The following NBAS variants were observed in gnomAD, a reference collection of about 807,000 sequenced individuals.
NBAS encodes the protein NBAS subunit of NRZ tethering complex.
Under a neutral mutation model 302.5 loss-of-function variants are expected in NBAS, and 219 were observed. That is an observed-to-expected ratio of 0.72 (90% CI 0.65 to 0.81). The LOEUF (loss-of-function observed/expected upper bound fraction) is 0.81. Ranked by LOEUF, NBAS falls within the 30% of genes least tolerant of loss-of-function variation. NBAS has a pLI of 0.00. For synonymous variants in NBAS, 1,118 were observed against 1,021.6 expected, an observed-to-expected ratio of 1.09 and a Z score of -1.80; for missense variants, 2,932 against 2,841.6, an observed-to-expected ratio of 1.03 and a Z score of -0.72.
the NBAS span, among the ~76,000 whole-genome samples, chr2:14,831,182 AAC>A: frequency 6.6e-6 from 1 of 152,166 alleles, no homozygotes; most frequent in East Asian, 1.9e-4. Flanking sequence ...ATGAGTCCTA[AAC>A]ACAAACTCTA....
chr2:15,445,250 C>A (rs1412859663), intron 21 of NBAS, among the ~76,000 whole-genome samples: 9 of 147,186 alleles, frequency 6.1e-5, no homozygotes, highest in African/African-American at 2.0e-4. Flanking sequence ...GACTTGGAAC[C>A]AACCCAAATG....
chr2:14,952,364 T>A, the NBAS span, among the ~76,000 whole-genome samples: 3 of 152,366 alleles, frequency 2.0e-5, no homozygotes, highest in Middle Eastern at 6.8e-3. Flanking sequence ...ACAAAGATTA[T>A]TTTTCCCCTT....
At chr2:15,071,413 C>G in the NBAS span, among the ~76,000 whole-genome samples, 1 of 152,116 alleles carries the variant, frequency 6.6e-6, no homozygotes. Flanking sequence ...ATCACGAGGT[C>G]AGGAGTTGGA....
chr2:15,287,255 C>T (rs1375313707), intron 41 of NBAS, 72 bp from the exon 42 acceptor site: 7 of 1,115,134 alleles, frequency 6.3e-6, no homozygotes, highest in Non-Finnish European at 9.6e-6. Flanking sequence ...AACGAAAATG[C>T]TCATTAGGAC....
chr2:15,188,099 A>G (rs1419547570), intron 49 of NBAS, among the ~76,000 whole-genome samples: 1 of 152,212 alleles, frequency 6.6e-6, no homozygotes, highest in East Asian at 1.9e-4. Context: ...TGGTGAACCA[A>G]TGGGCAACGA....
chr2:15,087,223 A>AACACACAC, the NBAS span, among the ~76,000 whole-genome samples: 579 of 143,278 alleles, frequency 4.0e-3, 9 homozygotes, highest in African/African-American at 0.014. Context: ...TTTTTATACA[A>AACACACAC]ACACACACAC....
At chr2:15,423,381 A>G (rs1403880772) in intron 23 of NBAS, among the ~76,000 whole-genome samples, 6 of 152,198 alleles carry the variant, frequency 3.9e-5, no homozygotes, top group South Asian at 2.1e-4. Context: ...TGCTATGAAT[A>G]TTATAAAATA....
the NBAS span, among the ~76,000 whole-genome samples, chr2:14,810,816 A>T: frequency 1.3e-5 from 2 of 152,234 alleles, no homozygotes; most frequent in East Asian, 3.8e-4. Context: ...AATTTAACAA[A>T]GTGGAAAGGT....
rs566125934 is a variant in NBAS, at chr2:15,292,147, G to A, written c.5027+390C>T. ...ATGCTACTACACCTGGCTAATTTTTGTATTTTTAGTAGAGATGGGGTTTTG... is the reference window on the plus strand; with the variant it reads ...ATGCTACTACACCTGGCTAATTTTTATATTTTTAGTAGAGATGGGGTTTTG... On this transcript the variant is annotated intron_variant, in intron 41 of 51. Coordinates refer to ENST00000281513, the MANE Select transcript of NBAS (RefSeq NM_015909.4). Among the ~76,000 whole-genome samples, 31 of 152,142 alleles carry A rather than the reference G, an allele frequency of 2.0e-4. No individual in the cohort carries two copies. The South Asian group carries it at 6.2e-3, about 31-fold the overall frequency.
chr2:15,478,010 C>G (rs1258097970), intron 13 of NBAS, among the ~76,000 whole-genome samples: 1 of 152,218 alleles, frequency 6.6e-6, no homozygotes, highest in Non-Finnish European at 1.5e-5. Context: ...CTCAGTGTAC[C>G]ATCTCAATGC....
At chr2:14,891,453 G>A in the NBAS span, among the ~76,000 whole-genome samples, 1 of 152,040 alleles carries the variant, frequency 6.6e-6, no homozygotes, top group Non-Finnish European at 1.5e-5. Context: ...GTCAATAAGT[G>A]TGTGTGAGGC....
At chr2:15,433,010 GAA>G (rs1415663729) in intron 21 of NBAS, among the ~76,000 whole-genome samples, 11 of 152,172 alleles carry the variant, frequency 7.2e-5, no homozygotes, top group African/African-American at 2.7e-4. Context: ...AGACAAGAGT[GAA>G]AACAACAGCA....
chr2:15,360,265 A>G (rs1673835454), intron 32 of NBAS, among the ~76,000 whole-genome samples: 1 of 151,590 alleles, frequency 6.6e-6, no homozygotes, highest in Admixed American at 6.6e-5. Flanking sequence ...CTGAGGCTAC[A>G]TGAAATTTAG....
chr2:15,008,529 T>C, the NBAS span, among the ~76,000 whole-genome samples: 247 of 152,310 alleles, frequency 1.6e-3, 1 homozygote, highest in Middle Eastern at 3.4e-3. Context: ...TCATGTCCCT[T>C]CCACAAGGCA....
chr2:15,498,208 C>T (rs1490348084), intron 11 of NBAS, among the ~76,000 whole-genome samples: 1 of 152,182 alleles, frequency 6.6e-6, no homozygotes, highest in East Asian at 1.9e-4. Context: ...AATATGGCAG[C>T]AATGTAGTAT....
At chr2:15,246,930 ACAAGGTGC>A (rs1223040113) in intron 44 of NBAS, among the ~76,000 whole-genome samples, 3 of 152,212 alleles carry the variant, frequency 2.0e-5, no homozygotes. Flanking sequence ...CAGGGTAAAC[ACAAGGTGC>A]CATGGAAGCC....
chr2:15,516,743 A>T (rs1312436823), intron 9 of NBAS, among the ~76,000 whole-genome samples: 1 of 144,212 alleles, frequency 6.9e-6, no homozygotes, highest in African/African-American at 2.6e-5. Flanking sequence ...AAAAAAAAAA[A>T]GACTGGGAGA....
At chr2:15,415,862 C>T (rs950293035) in intron 24 of NBAS, 143 bp from the exon 25 acceptor site, 2 of 847,228 alleles carry the variant, frequency 2.4e-6, no homozygotes, top group Admixed American at 2.0e-5. Flanking sequence ...AACACACAGT[C>T]CAGTTCACCA....
At chr2:15,119,064 G>A in the NBAS span, among the ~76,000 whole-genome samples, 1 of 152,096 alleles carries the variant, frequency 6.6e-6, no homozygotes, top group Non-Finnish European at 1.5e-5. Flanking sequence ...CAGACAAGGG[G>A]AGGAAGGGTG....
Sources: gnomAD v4.1 joint callset for allele counts (sites outside exome capture counted in the v4.1 genomes callset) on GRCh38, gnomAD v4.1.1 for gene constraint, MANE v1.5 for transcripts, NCBI Gene and HGNC (gene_info 2026-07-23, HGNC 2026-07-21) for gene names.